Variants in PPP6R2 observed in about 807,000 individuals in gnomAD.
PPP6R2 encodes the protein protein phosphatase 6 regulatory subunit 2.
PPP6R2 carries 62 observed loss-of-function variants against 100.2 expected under a neutral mutation model. The observed-to-expected ratio is 0.62, with a 90% CI of 0.50 to 0.76. The LOEUF is 0.76. PPP6R2 is among the 30% of genes least tolerant of loss of function. The pLI is 0.00. For missense variants in PPP6R2, 1,142 were observed against 1,276.3 expected (o/e 0.89, Z 1.60); for synonymous variants, 525 against 514.7 (o/e 1.02, Z -0.27).
In PPP6R2 at chr22:50,436,391, G is replaced by A. The variant is rs772647131; in HGVS notation, c.1541G>A (p.Arg514His). 1.4e-5 allele frequency: 22 copies of A among 1,586,804 alleles called. No individual in the cohort carries two copies. The highest frequency in any genetic ancestry group is 4.6e-5 in the South Asian group (4 of 86,608). The stretch of plus-strand genomic sequence containing the variant: ...GGGCTCCCTGCGGACTGCCGTGGCC[G>A]CTGGGAGAGCTTCGTGGAGGAGACG... Reference protein sequence around the residue: ...IRGLPADCRGRWESFVEETLT... With the variant: ...IRGLPADCRGHWESFVEETLT... Residue 514 changes from arginine to histidine, a missense_variant, in exon 14 of 24, where the codon CGC becomes CAC. By Grantham distance (29) the Arg-to-His change is conservative. Around this residue, in one of 2 missense-constraint regions of PPP6R2, gnomAD observed 592 missense variants for 758.9 expected, o/e 0.78. Coordinates refer to ENST00000612753, the MANE Select transcript of PPP6R2 (RefSeq NM_001242898.2).
At chr22:50,398,207 T>G (rs2057417586) in intron 3 of PPP6R2, among the ~76,000 whole-genome samples, 2 of 150,162 alleles carry the variant, frequency 1.3e-5, no homozygotes, top group Non-Finnish European at 3.0e-5. Context: ...AGTCTCACTC[T>G]GTCGCCCAGG....
chr22:50,359,574 G>C (rs2047379656), intron 1 of PPP6R2, among the ~76,000 whole-genome samples: 1 of 152,072 alleles, frequency 6.6e-6, no homozygotes, highest in Admixed American at 6.6e-5. Flanking sequence ...TGCTTTTTCT[G>C]TGTATGTTGA....
intron 1 of PPP6R2, among the ~76,000 whole-genome samples, chr22:50,360,240 A>G (rs762597494): frequency 6.6e-6 from 1 of 150,696 alleles, no homozygotes. Context: ...TTTAGTAGAG[A>G]TGGGGCTTCA....
intron 5 of PPP6R2, among the ~76,000 whole-genome samples, 156 bp downstream of exon 5, chr22:50,414,845 T>C (rs3934829): frequency 0.19 from 29,305 of 152,202 alleles, 3,102 homozygotes; most frequent in East Asian, 0.24. Flanking sequence ...TTGTCAAGGA[T>C]TGTGGCCTGT....
chr22:50,362,803 G>A (rs968651777), intron 1 of PPP6R2, among the ~76,000 whole-genome samples: 1 of 152,160 alleles, frequency 6.6e-6, no homozygotes, highest in Non-Finnish European at 1.5e-5. Flanking sequence ...CTAAGGGCAG[G>A]GAAGACAGGC....
intron 1 of PPP6R2, among the ~76,000 whole-genome samples, chr22:50,357,832 G>A (rs1473994872): frequency 6.6e-6 from 1 of 152,066 alleles, no homozygotes; most frequent in Admixed American, 6.6e-5. Flanking sequence ...CACTATGTTG[G>A]CCAGGGTGGT....
At chr22:50,384,554 CAAAAA>C (rs751375921) in intron 2 of PPP6R2, among the ~76,000 whole-genome samples, 12 of 151,906 alleles carry the variant, frequency 7.9e-5, no homozygotes, top group Non-Finnish European at 1.3e-4. Context: ...GACTCCGTCT[CAAAAA>C]AAGAAAAGAA....
At position 50,382,925 on chromosome 22, in the gene PPP6R2, C is replaced by A. The variant is rs577287328; in HGVS notation, c.-17+10775C>A. Among the ~76,000 whole-genome samples, 295 of 151,720 alleles carry A rather than the reference C, an allele frequency of 1.9e-3. 2 individuals carry two copies. The highest frequency in any genetic ancestry group is 3.3e-3 in the Non-Finnish European group (222 of 67,968). ...CAGTCTCAGCTCACTGCAACCTCTG[C>A]CTCCCAGACTCAAGCGATTCTCCTG... On this transcript the variant is annotated intron_variant, in intron 2 of 23. Coordinates refer to ENST00000612753, the MANE Select transcript of PPP6R2 (RefSeq NM_001242898.2).
chr22:50,362,168 T>C lies in PPP6R2; in HGVS notation c.-147-9852T>C, dbSNP rs145571521. Among the ~76,000 whole-genome samples, 10 of 152,306 alleles carry C rather than the reference T, an allele frequency of 6.6e-5. No individual in the cohort carries two copies. In the East Asian group the frequency reaches 1.9e-3, roughly 29 times the overall value. On this transcript the variant is annotated intron_variant, in intron 1 of 23. Transcript: ENST00000612753. Reference sequence around the variant, plus strand: ...GGGCTAGGGCCCTTAGCACTGGTGATGAGGAAGGTGCATCCTCATAATGCT... The same window carrying C: ...GGGCTAGGGCCCTTAGCACTGGTGACGAGGAAGGTGCATCCTCATAATGCT...
rs112703119 is a variant in PPP6R2, at chr22:50,417,668, T to C, written c.619-1199T>C. Reference sequence around the variant, plus strand: ...GATCAGACAGACAGGAGAGGCCACGTTGGCGTCTGTAGGAAACAAGGAGGC... The same window carrying C: ...GATCAGACAGACAGGAGAGGCCACGCTGGCGTCTGTAGGAAACAAGGAGGC... On this transcript the variant is annotated intron_variant, in intron 6 of 23. Coordinates refer to ENST00000612753, the MANE Select transcript of PPP6R2 (RefSeq NM_001242898.2). 9.2e-5 allele frequency among the ~76,000 whole-genome samples: 14 copies of C among 152,078 alleles called. 1 individual carries two copies. Among genetic ancestry groups the C allele is most frequent in the African/African-American group, 2.9e-4 (12 of 41,356 alleles).
intron 2 of PPP6R2, among the ~76,000 whole-genome samples, chr22:50,378,190 A>G (rs7511047): frequency 0.34 from 51,717 of 152,162 alleles, 9,050 homozygotes; most frequent in South Asian, 0.45. Flanking sequence ...CTTAAGTGCC[A>G]CAATGGAAAC....
In PPP6R2 at chr22:50,438,772, G is replaced by C; in HGVS notation, c.2128+10G>C. On this transcript the variant is annotated intron_variant, in intron 19 of 23. Coordinates refer to ENST00000612753, the MANE Select transcript of PPP6R2 (RefSeq NM_001242898.2). ...GAGGGTGACTCAGAAGGTGGTGCTG[G>C]GCGCCAGGGGCTGGGAGTGTGGGTA... The C allele has an allele frequency of 6.3e-7, 1 of 1,582,880 alleles. No homozygotes were observed. The highest frequency in any genetic ancestry group is 8.6e-7 in the Non-Finnish European group (1 of 1,164,816).
intron 10 of PPP6R2, among the ~76,000 whole-genome samples, chr22:50,426,006 G>T (rs1763884041): frequency 6.6e-6 from 1 of 151,510 alleles, no homozygotes; most frequent in Non-Finnish European, 1.5e-5. Context: ...GTAGGGTCTT[G>T]CAGTACAGTG....
chr22:50,339,669 AGTGT>A (rs1289841483), upstream of PPP6R2, among the ~76,000 whole-genome samples: 1 of 47,474 alleles, frequency 2.1e-5, no homozygotes, highest in Non-Finnish European at 4.1e-5. Flanking sequence ...GTATGTTTCG[AGTGT>A]GTGTTGTGTG....
At chr22:50,420,204 T>C (rs904712832) in intron 8 of PPP6R2, among the ~76,000 whole-genome samples, 1 of 152,128 alleles carries the variant, frequency 6.6e-6, no homozygotes, top group African/African-American at 2.4e-5. Context: ...ATGGGGCTGG[T>C]GGGTGGAGCC....
Position 50,439,695 on chromosome 22 carries a change from C to A in PPP6R2, c.2129-6C>A. 6.3e-7 allele frequency: 1 copy of A among 1,576,188 alleles called. No individual in the cohort carries two copies. ...ACGCCTGACCACTGTGTCTCTCCCC[C>A]AGCAGGCGCCATGTGGACGGCAGTG... On this transcript the variant is annotated splice_polypyrimidine_tract_variant and splice_region_variant and intron_variant, in intron 19 of 23. Transcript: ENST00000612753.
At chr22:50,353,400 G>T (rs1358133415) in intron 1 of PPP6R2, among the ~76,000 whole-genome samples, 1 of 152,108 alleles carries the variant, frequency 6.6e-6, no homozygotes, top group Admixed American at 6.6e-5. Flanking sequence ...GGAAATGGCC[G>T]GTCAGAACTT....
intron 1 of PPP6R2, among the ~76,000 whole-genome samples, chr22:50,348,092 C>T (rs370719341): frequency 1.3e-5 from 2 of 152,072 alleles, no homozygotes; most frequent in African/African-American, 4.8e-5. Flanking sequence ...GGTGTGATAT[C>T]CTCCAGGAAC....
rs2066647455 is a variant in PPP6R2, at chr22:50,444,639, T to TGTTTTTA, written c.*393_*399dup. On this transcript the variant is annotated 3_prime_UTR_variant, in exon 24 of 24. Coordinates refer to ENST00000612753, the MANE Select transcript of PPP6R2 (RefSeq NM_001242898.2). The stretch of plus-strand genomic sequence containing the variant: ...TACAGTTTTTTTTTTGTTGTTGTTT[T>TGTTTTTA]GTTTTTAAAGAATACAGAAGGAGCC... 6 of 243,262 alleles carry TGTTTTTA rather than the reference T, an allele frequency of 2.5e-5. No homozygotes were observed. In the South Asian group the frequency reaches 3.7e-4, roughly 15 times the overall value. 15.1% of individuals were successfully genotyped at this position (243,262 alleles called of 1,614,324 possible).
Sources: allele counts gnomAD v4.1 joint callset (sites outside exome capture counted in the v4.1 genomes callset), GRCh38; gene constraint gnomAD v4.1.1; regional missense constraint gnomAD v4.1.1; transcripts MANE v1.5; gene names NCBI Gene and HGNC (gene_info 2026-07-23, HGNC 2026-07-21).